FTCDNL1: variants seen among roughly 807,000 people sequenced by gnomAD.
FTCDNL1 encodes formiminotransferase cyclodeaminase N-terminal like.
A neutral mutation model predicts 5.9 loss-of-function variants in FTCDNL1; 11 were observed. That is an observed-to-expected ratio of 1.87 (90% CI 1.18 to 3.10). The LOEUF is 3.10. Ranked by LOEUF, FTCDNL1 falls within the 30% of genes most tolerant of loss-of-function variation. The pLI, the probability that FTCDNL1 is intolerant of heterozygous loss-of-function variation, is 0.00. For synonymous variants in FTCDNL1, 58 were observed against 24.8 expected, an observed-to-expected ratio of 2.34 and a Z score of -3.99; for missense variants, 115 against 65.5, an observed-to-expected ratio of 1.76 and a Z score of -2.61.
At chr2:199,799,044 C>A (rs1317912730) in intron 3 of FTCDNL1, among the ~76,000 whole-genome samples, 5 of 152,168 alleles carry the variant, frequency 3.3e-5, no homozygotes. Context: ...TCCTGACACA[C>A]CAGCCTCCAA....
At chr2:199,711,482 A>G in the FTCDNL1 span, among the ~76,000 whole-genome samples, 3 of 152,090 alleles carry the variant, frequency 2.0e-5, no homozygotes, top group African/African-American at 7.2e-5. Flanking sequence ...AATTTTTTCA[A>G]TCATTTTTCC....
the FTCDNL1 span, among the ~76,000 whole-genome samples, chr2:199,739,779 A>C: frequency 6.6e-6 from 1 of 152,240 alleles, no homozygotes; most frequent in South Asian, 2.1e-4. Context: ...ATGCTGCCAT[A>C]AAGTCCCCGT....
chr2:199,718,461 G>A, the FTCDNL1 span, among the ~76,000 whole-genome samples: 2 of 152,120 alleles, frequency 1.3e-5, no homozygotes, highest in African/African-American at 2.4e-5. Flanking sequence ...TGATGGACAC[G>A]TAGGTTGATT....
chr2:199,673,075 C>A, the FTCDNL1 span, among the ~76,000 whole-genome samples: 2 of 152,072 alleles, frequency 1.3e-5, no homozygotes, highest in Non-Finnish European at 1.5e-5. Flanking sequence ...CACCTGTAAT[C>A]CCAGCCCTTC....
At chr2:199,717,509 A>ATTTTTTT in the FTCDNL1 span, among the ~76,000 whole-genome samples, 15 of 57,684 alleles carry the variant, frequency 2.6e-4, 1 homozygote, top group East Asian at 9.2e-4. Flanking sequence ...CAAGGCAGAG[A>ATTTTTTT]TTTTTTTTTT....
intron 3 of FTCDNL1, among the ~76,000 whole-genome samples, chr2:199,837,677 A>G (rs1353035646): frequency 6.6e-6 from 1 of 152,214 alleles, no homozygotes; most frequent in East Asian, 1.9e-4. Context: ...ATTGAAAAAA[A>G]TCTACAAGGC....
At chr2:199,760,033 C>T (rs1456227569), downstream of FTCDNL1, among the ~76,000 whole-genome samples, 1 of 152,264 alleles carries the variant, frequency 6.6e-6, no homozygotes, top group East Asian at 1.9e-4. Flanking sequence ...ATGTCAATCA[C>T]TCTGTATATC....
At chr2:199,735,677 T>C in the FTCDNL1 span, among the ~76,000 whole-genome samples, 1 of 152,102 alleles carries the variant, frequency 6.6e-6, no homozygotes, top group Admixed American at 6.5e-5. Context: ...CGTCTTTTCA[T>C]GTTTGGTGGT....
rs79458137 is a variant in FTCDNL1 at position 199,783,278 on chromosome 2, T to C, written c.212-22443A>G. Among the ~76,000 whole-genome samples the C allele has an allele frequency of 9.4e-3, 1,436 of 152,358 alleles. 81 individuals carry two copies. The East Asian group carries it at 0.17, about 18-fold the overall frequency. On this transcript the variant is annotated intron_variant, in intron 3 of 3. Coordinates refer to the FTCDNL1 transcript ENST00000416668. ...TAACATAGTTGGCTGGTGAGTTTTC[T>C]GGCCCTATGTAGAATATCTACTTTA...
At chr2:199,731,440 G>C in the FTCDNL1 span, among the ~76,000 whole-genome samples, 1 of 152,142 alleles carries the variant, frequency 6.6e-6, no homozygotes, top group Non-Finnish European at 1.5e-5. Context: ...ACAGTTAAAA[G>C]GTGAAGAAAT....
At chr2:199,718,477 T>C in the FTCDNL1 span, among the ~76,000 whole-genome samples, 20 of 152,198 alleles carry the variant, frequency 1.3e-4, no homozygotes, top group Admixed American at 1.3e-3. Flanking sequence ...TGATTCCATG[T>C]CTTCACTCTT....
the FTCDNL1 span, among the ~76,000 whole-genome samples, chr2:199,671,035 G>A: frequency 1.3e-5 from 2 of 152,148 alleles, no homozygotes; most frequent in African/African-American, 4.8e-5. Flanking sequence ...GAGAAGGTCA[G>A]TGGAAAACCC....
At chr2:199,675,620 CCTT>C in the FTCDNL1 span, among the ~76,000 whole-genome samples, 63 of 152,236 alleles carry the variant, frequency 4.1e-4, no homozygotes, top group South Asian at 3.9e-3. Context: ...ACTCCATCGT[CCTT>C]CTGTCTTGGT....
At chr2:199,823,961 G>T (rs1178685749) in intron 3 of FTCDNL1, among the ~76,000 whole-genome samples, 2 of 152,130 alleles carry the variant, frequency 1.3e-5, no homozygotes, top group East Asian at 3.9e-4. Context: ...AATCTGTTTA[G>T]TGTAGCCACC....
At chr2:199,706,361 C>T in the FTCDNL1 span, among the ~76,000 whole-genome samples, 5,035 of 152,130 alleles carry the variant, frequency 0.033, 401 homozygotes, top group East Asian at 0.26. Flanking sequence ...TTGGACTGGC[C>T]TTGGAAGTAG....
At chr2:199,842,694 C>T (rs887384213) in intron 3 of FTCDNL1, among the ~76,000 whole-genome samples, 7 of 152,126 alleles carry the variant, frequency 4.6e-5, no homozygotes, top group Non-Finnish European at 7.4e-5. Flanking sequence ...TTCTGAAATA[C>T]GTTATTCAGC....
At chr2:199,760,071 T>C (rs548259724), downstream of FTCDNL1, among the ~76,000 whole-genome samples, 63 of 152,258 alleles carry the variant, frequency 4.1e-4, no homozygotes, top group African/African-American at 1.4e-3. Flanking sequence ...CCTTTGAACA[T>C]TAAAAAAGAT....
intron 3 of FTCDNL1, among the ~76,000 whole-genome samples, chr2:199,768,332 C>T (rs906617408): frequency 1.4e-4 from 22 of 151,782 alleles, no homozygotes; most frequent in Non-Finnish European, 2.9e-4. Flanking sequence ...CCACATATTC[C>T]CCCGTGAGTT....
At chr2:199,797,246 T>C (rs1700218111) in intron 3 of FTCDNL1, among the ~76,000 whole-genome samples, 1 of 152,200 alleles carries the variant, frequency 6.6e-6, no homozygotes, top group Admixed American at 6.5e-5. Context: ...GAAATGAATT[T>C]CAATATGCAG....
Sources: allele counts gnomAD v4.1 joint callset (sites outside exome capture counted in the v4.1 genomes callset), GRCh38; gene constraint gnomAD v4.1.1; transcripts MANE v1.5; gene names NCBI Gene and HGNC (gene_info 2026-07-23, HGNC 2026-07-21).